ATP8B4: variants seen among roughly 807,000 people sequenced by gnomAD.
The protein encoded by ATP8B4 is probable phospholipid-transporting ATPase IM.
A neutral mutation model predicts 145.6 loss-of-function variants in ATP8B4; 133 were observed. The ratio of observed to expected loss-of-function variants is 0.91; its 90% CI spans 0.79 to 1.05. The LOEUF is 1.05. Ranked by LOEUF, ATP8B4 falls within the 50% of genes least tolerant of loss-of-function variation. ATP8B4 has a pLI of 0.00. For missense variants in ATP8B4, 1,458 were observed against 1,425.2 expected (o/e 1.02, Z -0.37); for synonymous variants, 507 against 492.9 (o/e 1.03, Z -0.38).
At chr15:49,956,484 GA>G (rs1326532339) in intron 14 of ATP8B4, among the ~76,000 whole-genome samples, 3 of 152,146 alleles carry the variant, frequency 2.0e-5, no homozygotes, top group Non-Finnish European at 4.4e-5. Flanking sequence ...ATCCAGAGAA[GA>G]AACTGGCCCA....
In ATP8B4 at chr15:49,858,659, A is replaced by AGAC. The variant is rs1359977354; in HGVS notation, c.*1532_*1534dup. ...GAAGTTGATTTGTAGAAAACCATTAAGACATGATGCTTTATTTTTGCTTTC... is the reference window on the plus strand; with the variant it reads ...GAAGTTGATTTGTAGAAAACCATTAAGACGACATGATGCTTTATTTTTGCTTTC... On this transcript the variant is annotated 3_prime_UTR_variant, in exon 28 of 28. Coordinates refer to ENST00000284509, the MANE Select transcript of ATP8B4 (RefSeq NM_024837.4). 2 of 152,248 alleles carry AGAC rather than the reference A, an allele frequency of 1.3e-5. No homozygotes were observed. Among genetic ancestry groups the AGAC allele is most frequent in the African/African-American group, 2.4e-5 (1 of 41,464 alleles). 9.4% of individuals were successfully genotyped at this position (152,248 alleles called of 1,614,324 possible).
chr15:49,878,645 C>T (rs1241715732), intron 24 of ATP8B4, among the ~76,000 whole-genome samples: 2 of 152,194 alleles, frequency 1.3e-5, no homozygotes, highest in African/African-American at 4.8e-5. Context: ...CAGGAAGTCC[C>T]TTCCAAGGCT....
intron 1 of ATP8B4, among the ~76,000 whole-genome samples, chr15:50,167,129 C>A (rs765133702): frequency 3.3e-5 from 5 of 152,150 alleles, no homozygotes; most frequent in Non-Finnish European, 7.3e-5. Flanking sequence ...AACTACTGGA[C>A]TTTTTTTCAC....
At chr15:50,037,193 C>G (rs547777301) in intron 6 of ATP8B4, among the ~76,000 whole-genome samples, 1 of 152,156 alleles carries the variant, frequency 6.6e-6, no homozygotes, top group African/African-American at 2.4e-5. Flanking sequence ...AAATTCACTA[C>G]GTAAGTGTAT....
intron 16 of ATP8B4, among the ~76,000 whole-genome samples, chr15:49,927,823 T>G (rs1013424529): frequency 6.6e-6 from 1 of 152,100 alleles, no homozygotes; most frequent in African/African-American, 2.4e-5. Context: ...TAGAACGGCA[T>G]GTGTGCTCAT....
intron 2 of ATP8B4, among the ~76,000 whole-genome samples, chr15:50,082,187 A>G (rs2054598633): frequency 6.6e-6 from 1 of 152,198 alleles, no homozygotes; most frequent in African/African-American, 2.4e-5. Context: ...GGAAAGAACA[A>G]TGAGTGGGGA....
chr15:50,044,156 T>C (rs1288255704), intron 5 of ATP8B4, among the ~76,000 whole-genome samples: 3 of 152,176 alleles, frequency 2.0e-5, no homozygotes, highest in African/African-American at 4.8e-5. Flanking sequence ...CATTCAAGGA[T>C]CAACTATATT....
intron 23 of ATP8B4, among the ~76,000 whole-genome samples, chr15:49,888,964 C>CA (rs1406658192): frequency 6.6e-6 from 1 of 152,152 alleles, no homozygotes; most frequent in African/African-American, 2.4e-5. Context: ...AGCTATGACA[C>CA]ACCCCGCAAG....
intron 5 of ATP8B4, among the ~76,000 whole-genome samples, chr15:50,041,184 C>A (rs2051254774): frequency 6.6e-6 from 1 of 152,150 alleles, no homozygotes; most frequent in South Asian, 2.1e-4. Context: ...AAATGAGTAC[C>A]ATTTCCCTGA....
chr15:49,897,379 G>A lies in ATP8B4; in HGVS notation c.2610C>T (p.Cys870=), dbSNP rs2037516180. Residue 870 remains cysteine, a synonymous_variant, in exon 23 of 28, where the codon TGC becomes TGT. Transcript: ENST00000284509. ...TATAGAAGAAATAGCATAAGAATTT[G>A]CACATTCGGAAATAAGACCACCTTC... ...VHGRWSYFRM[C]KFLCYFFYKN... 6.2e-7 allele frequency: 1 copy of A among 1,613,806 alleles called. No individual in the cohort carries two copies. Among genetic ancestry groups the A allele is most frequent in the Admixed American group, 1.7e-5 (1 of 59,994 alleles).
intron 1 of ATP8B4, among the ~76,000 whole-genome samples, chr15:50,137,976 T>C (rs1450654804): frequency 3.9e-5 from 6 of 152,226 alleles, no homozygotes; most frequent in African/African-American, 1.4e-4. Context: ...TTTTAGTAAT[T>C]GTGAGCTGTG....
chr15:50,052,870 A>G (rs1043412967), intron 3 of ATP8B4, among the ~76,000 whole-genome samples: 25 of 152,200 alleles, frequency 1.6e-4, no homozygotes, highest in Non-Finnish European at 1.0e-4. Context: ...TCTTTATTAT[A>G]AAGACTAATA....
At chr15:49,996,507 C>T (rs953005961) in intron 9 of ATP8B4, among the ~76,000 whole-genome samples, 170 bp downstream of exon 9, 4 of 152,100 alleles carry the variant, frequency 2.6e-5, no homozygotes, top group African/African-American at 9.7e-5. Context: ...CTCTCCTTGG[C>T]AAACATTTTT....
chr15:50,059,518 T>TTGAA (rs751196247), intron 3 of ATP8B4, among the ~76,000 whole-genome samples: 86 of 152,256 alleles, frequency 5.6e-4, no homozygotes, highest in East Asian at 3.9e-4. Flanking sequence ...CCCCTGTTCC[T>TTGAA]TGAATGAATG....
intron 20 of ATP8B4, among the ~76,000 whole-genome samples, chr15:49,910,249 AAG>A (rs1447176942): frequency 6.6e-6 from 1 of 152,212 alleles, no homozygotes; most frequent in East Asian, 1.9e-4. Context: ...GATCAAGAAG[AAG>A]AGAGAATTTC....
chr15:49,998,103 A>G (rs1350544528), intron 8 of ATP8B4, among the ~76,000 whole-genome samples: 2 of 152,194 alleles, frequency 1.3e-5, no homozygotes, highest in Non-Finnish European at 2.9e-5. Flanking sequence ...CATGTAATTT[A>G]TCAAAGTTTA....
intron 2 of ATP8B4, among the ~76,000 whole-genome samples, chr15:50,076,454 T>G (rs959935248): frequency 6.6e-6 from 1 of 150,408 alleles, no homozygotes; most frequent in Non-Finnish European, 1.5e-5. Context: ...ATTACACCAC[T>G]GCACCCCAGC....
intron 1 of ATP8B4, among the ~76,000 whole-genome samples, chr15:50,139,160 C>T (rs1479800037): frequency 6.6e-6 from 1 of 152,192 alleles, no homozygotes; most frequent in African/African-American, 2.4e-5. Flanking sequence ...CAGCACTATT[C>T]ACATTAGCAA....
At chr15:49,895,316 G>A (rs1002536558) in intron 23 of ATP8B4, 3 of 152,282 alleles carry the variant, frequency 2.0e-5, no homozygotes, top group African/African-American at 7.2e-5. Flanking sequence ...TCAAAGTACA[G>A]TTCTAGGGGC....
Sources: allele counts gnomAD v4.1 joint callset (sites outside exome capture counted in the v4.1 genomes callset), GRCh38; gene constraint gnomAD v4.1.1; transcripts MANE v1.5; gene names NCBI Gene and HGNC (gene_info 2026-07-23, HGNC 2026-07-21).